Variants in DMXL1 observed in about 807,000 individuals in gnomAD.
DMXL1 encodes the protein dmX-like protein 1.
A neutral mutation model predicts 319.2 loss-of-function variants in DMXL1; 99 were observed. The observed-to-expected ratio is 0.31, with a 90% CI of 0.26 to 0.37. The LOEUF (loss-of-function observed/expected upper bound fraction) is 0.37. DMXL1 is among the 10% of genes least tolerant of loss of function. The pLI, the probability that DMXL1 is intolerant of heterozygous loss-of-function variation, is 1.00. For missense variants in DMXL1, 3,745 were observed against 3,595.6 expected (o/e 1.04, Z -1.06); for synonymous variants, 1,385 against 1,235.2 (o/e 1.12, Z -2.54).
chr5:119,131,192 T>G (rs1764813660), intron 10 of DMXL1, among the ~76,000 whole-genome samples: 1 of 151,872 alleles, frequency 6.6e-6, no homozygotes, highest in Non-Finnish European at 1.5e-5. Context: ...TATCTTGACT[T>G]ACTTTTTAAA....
Position 119,149,951 on chromosome 5 carries a change from C to A in DMXL1, c.4124C>A (p.Thr1375Lys), listed in dbSNP as rs1042657541. 18 of 1,613,760 alleles carry A rather than the reference C, an allele frequency of 1.1e-5. No homozygotes were observed. Among genetic ancestry groups the A allele is most frequent in the Non-Finnish European group, 1.5e-5 (18 of 1,179,906 alleles). ...CATGAACGCCGCCTTAGGTCTCTCACAATCAGTGCTAGTGGAAGCACTACC... is the reference window on the plus strand; with the variant it reads ...CATGAACGCCGCCTTAGGTCTCTCAAAATCAGTGCTAGTGGAAGCACTACC... ...SNHERRLRSLTISASGSTTRD... is the reference protein window; with the variant it reads ...SNHERRLRSLKISASGSTTRD... The change falls in exon 18 of 44, where the codon ACA becomes AAA. Residue 1375 changes from threonine to lysine, a missense_variant. Physicochemically the swap from Thr to Lys is moderately conservative, Grantham distance 78. This residue lies in a region of DMXL1 where 2,096 missense variants were observed against 1,985.4 expected (regional missense o/e 1.06). Coordinates refer to ENST00000539542, the MANE Select transcript of DMXL1 (RefSeq NM_001290321.3).
At chr5:119,143,736 A>G in intron 13 of DMXL1, 105 bp from the exon 14 acceptor site, 1 of 663,240 alleles carries the variant, frequency 1.5e-6, no homozygotes, top group Non-Finnish European at 2.5e-6. Flanking sequence ...ATTTAGGCCC[A>G]CTTGAATTTT....
intron 38 of DMXL1, among the ~76,000 whole-genome samples, chr5:119,233,077 A>G (rs1442149793): frequency 6.6e-6 from 1 of 152,060 alleles, no homozygotes; most frequent in African/African-American, 2.4e-5. Context: ...CATCATTGAG[A>G]TAACTTTAAA....
intron 25 of DMXL1, 74 bp from the exon 26 acceptor site, chr5:119,175,187 T>G: frequency 1.8e-6 from 2 of 1,107,036 alleles, no homozygotes. Context: ...AAAATGCTGA[T>G]TATATTAGGT....
intron 39 of DMXL1, among the ~76,000 whole-genome samples, chr5:119,234,809 A>G (rs1787427903): frequency 6.6e-6 from 1 of 152,162 alleles, no homozygotes; most frequent in Non-Finnish European, 1.5e-5. Flanking sequence ...ACATAGCTAC[A>G]TGATTACAAT....
chr5:119,071,869 G>C (rs978931065), intron 1 of DMXL1, among the ~76,000 whole-genome samples: 1 of 152,144 alleles, frequency 6.6e-6, no homozygotes, highest in African/African-American at 2.4e-5. Context: ...ACTCAAGTTA[G>C]AATATTTTGT....
At chr5:119,086,729 T>G (rs1388530164) in intron 1 of DMXL1, among the ~76,000 whole-genome samples, 1 of 152,188 alleles carries the variant, frequency 6.6e-6, no homozygotes, top group Non-Finnish European at 1.5e-5. Flanking sequence ...CATTACTCAT[T>G]ATTGATTTGT....
rs775556592 is a variant in DMXL1, at chr5:119,129,273, C to G, written c.1165C>G (p.Pro389Ala). 1.2e-6 allele frequency: 2 copies of G among 1,613,482 alleles called. No homozygotes were observed. Among genetic ancestry groups the G allele is most frequent in the Middle Eastern group, 1.7e-4 (1 of 6,058 alleles). Residue 389 changes from proline (P) to alanine (A), a missense_variant, in exon 10 of 44, where the codon CCT (proline) becomes GCT (alanine). Transcript: ENST00000539542. ...SLNENEEKTG[P>A]FVVHWLNNKE... is the part of the protein sequence containing the mutation. ...AAATGAAAATGAAGAGAAGACCGGA[C>G]CTTTTGTTGTACACTGGCTAAACAA... is the stretch of plus-strand genomic sequence containing the variant.
intron 7 of DMXL1, among the ~76,000 whole-genome samples, chr5:119,117,386 C>G (rs540046595): frequency 6.6e-6 from 1 of 152,186 alleles, no homozygotes; most frequent in Non-Finnish European, 1.5e-5. Context: ...TTGGCCACAC[C>G]ATGTGGCATT....
chr5:119,140,814 C>CT (rs997720673), intron 13 of DMXL1, among the ~76,000 whole-genome samples: 13 of 152,040 alleles, frequency 8.6e-5, no homozygotes, highest in Non-Finnish European at 1.8e-4. Context: ...AAAAAGAAAA[C>CT]TTTAGCCCAA....
At chr5:119,212,598 G>T (rs568486463) in intron 34 of DMXL1, among the ~76,000 whole-genome samples, 2 of 152,218 alleles carry the variant, frequency 1.3e-5, no homozygotes, top group South Asian at 4.1e-4. Flanking sequence ...GCAATTCTGT[G>T]TTTAGTTTTT....
intron 19 of DMXL1, among the ~76,000 whole-genome samples, chr5:119,164,228 T>A (rs1351237765): frequency 6.6e-6 from 1 of 152,156 alleles, no homozygotes; most frequent in East Asian, 1.9e-4. Flanking sequence ...ACTCATTTTT[T>A]AAAAAGGATC....
At chr5:119,164,364 TAAAA>T (rs1233865286) in intron 19 of DMXL1, 139 bp from the exon 20 acceptor site, 5 of 749,022 alleles carry the variant, frequency 6.7e-6, no homozygotes, top group Middle Eastern at 4.2e-4. Flanking sequence ...AGGAAAAACT[TAAAA>T]AAGCCCATAT....
chr5:119,155,091 T>C (rs375428960), intron 19 of DMXL1, among the ~76,000 whole-genome samples: 117 of 152,348 alleles, frequency 7.7e-4, no homozygotes, highest in African/African-American at 2.7e-3. Context: ...ATTGCTGTTA[T>C]TGACAGTGAC....
intron 40 of DMXL1, among the ~76,000 whole-genome samples, chr5:119,238,678 G>A (rs549092088): frequency 1.3e-5 from 2 of 152,022 alleles, no homozygotes; most frequent in Non-Finnish European, 2.9e-5. Context: ...GATTCATAAC[G>A]GGTCATGATA....
chr5:119,210,271 G>T (rs975552740), intron 34 of DMXL1, among the ~76,000 whole-genome samples: 1 of 152,104 alleles, frequency 6.6e-6, no homozygotes, highest in Admixed American at 6.5e-5. Flanking sequence ...TTGAAGTGCA[G>T]AAGTTCTTAA....
At chr5:119,155,081 A>G (rs2097419820) in intron 19 of DMXL1, among the ~76,000 whole-genome samples, 1 of 152,218 alleles carries the variant, frequency 6.6e-6, no homozygotes, top group African/African-American at 2.4e-5. Flanking sequence ...CTTTCGAAAT[A>G]TTGCTGTTAT....
intron 32 of DMXL1, among the ~76,000 whole-genome samples, chr5:119,202,077 G>A (rs1780806806): frequency 6.6e-6 from 1 of 151,878 alleles, no homozygotes; most frequent in Admixed American, 6.6e-5. Context: ...TTTCATTTCA[G>A]CTTTGATATT....
intron 19 of DMXL1, among the ~76,000 whole-genome samples, chr5:119,164,239 C>A (rs11241492): frequency 0.48 from 73,263 of 151,858 alleles, 18,598 homozygotes; most frequent in East Asian, 0.96. Flanking sequence ...AAAAAGGATC[C>A]GAAATACATC....
Sources: allele counts gnomAD v4.1 joint callset (sites outside exome capture counted in the v4.1 genomes callset), GRCh38; gene constraint gnomAD v4.1.1; regional missense constraint gnomAD v4.1.1; transcripts MANE v1.5; gene names NCBI Gene and HGNC (gene_info 2026-07-23, HGNC 2026-07-21).